Variants in ADGRA2 observed in about 807,000 individuals in gnomAD.
ADGRA2 encodes G-protein coupled receptor 124.
Under a neutral mutation model 98.7 loss-of-function variants are expected in ADGRA2, and 61 were observed. The observed-to-expected ratio is 0.62, with a 90% CI of 0.50 to 0.76. The LOEUF (loss-of-function observed/expected upper bound fraction) is 0.76. ADGRA2 is among the 30% of genes least tolerant of loss of function. The pLI, the probability that ADGRA2 is intolerant of heterozygous loss-of-function variation, is 0.00. For missense variants in ADGRA2, 1,712 were observed against 1,860.0 expected (o/e 0.92, Z 1.46); for synonymous variants, 858 against 831.5 (o/e 1.03, Z -0.55).
chr8:37,811,119 CAAA>C (rs1158782949), intron 1 of ADGRA2, among the ~76,000 whole-genome samples: 854 of 68,634 alleles, frequency 0.012, 7 homozygotes, highest in African/African-American at 0.022. Flanking sequence ...GTCTCAAAAA[CAAA>C]AAAAAAAAAA....
chr8:37,836,038 A>AAC (rs58082798), intron 13 of ADGRA2, among the ~76,000 whole-genome samples: 3,121 of 124,502 alleles, frequency 0.025, 52 homozygotes, highest in Non-Finnish European at 0.031. Context: ...AGCCCCCTCC[A>AAC]ACACACACAC....
rs1805435898 is a variant in ADGRA2 at position 37,830,921 on chromosome 8, C to T, written c.930C>T (p.Thr310=). 3 of 1,568,052 alleles carry T rather than the reference C, an allele frequency of 1.9e-6. No individual in the cohort carries two copies. Among genetic ancestry groups the T allele is most frequent in the Non-Finnish European group, 1.7e-6 (2 of 1,156,206 alleles). Residue 310 remains threonine (T), a splice_region_variant and synonymous_variant, in exon 7 of 19, where the codon ACC becomes ACT. Transcript: ENST00000412232. This position sits in a 1 kb window ranked among gnomAD's most constrained non-coding sequence, Gnocchi z 4.8. ...TCATCCACGACTGCACCTTCATCACCAGGTATGAGCCCCGCTGCCCCTCCT... is the reference window on the plus strand; with the variant it reads ...TCATCCACGACTGCACCTTCATCACTAGGTATGAGCCCCGCTGCCCCTCCT... ...ESLIHDCTFI[T]SELTLSHIGV...
chr8:37,838,848 C>G, intron 14 of ADGRA2, 108 bp from the exon 15 acceptor site: 1 of 1,328,044 alleles, frequency 7.5e-7, no homozygotes, highest in Non-Finnish European at 1.0e-6. Flanking sequence ...ATGAACTAAG[C>G]ACCAAAGTGC....
At chr8:37,817,428 G>A (rs1805011916) in intron 2 of ADGRA2, among the ~76,000 whole-genome samples, 1 of 152,178 alleles carries the variant, frequency 6.6e-6, no homozygotes, top group Admixed American at 6.5e-5. Flanking sequence ...AGTCTCCTTG[G>A]TGCCAGGCAT....
At chr8:37,804,943 G>A (rs1804617347) in intron 1 of ADGRA2, among the ~76,000 whole-genome samples, 1 of 152,218 alleles carries the variant, frequency 6.6e-6, no homozygotes, top group Non-Finnish European at 1.5e-5. Flanking sequence ...GCAACCCATG[G>A]TCTCTAAAAC....
At chr8:37,836,693 T>C (rs1233202367) in intron 13 of ADGRA2, among the ~76,000 whole-genome samples, 1 of 152,200 alleles carries the variant, frequency 6.6e-6, no homozygotes, top group South Asian at 2.1e-4. Context: ...CAGATTCACC[T>C]TCTGCAAACT....
At position 37,844,625 on chromosome 8, in the gene ADGRA2, G is replaced by C. The variant is rs1271070066; in HGVS notation, c.*2270G>C. On this transcript the variant is annotated 3_prime_UTR_variant, in exon 19 of 19. Transcript: ENST00000412232. ...TGTTCTCATCTCCAGTGACAGTGGA[G>C]ACAGGGGGTACAGGGCAGATCCGCT... 1 of 1,614,132 alleles carries C rather than the reference G, an allele frequency of 6.2e-7. No individual in the cohort carries two copies. Among genetic ancestry groups the C allele is most frequent in the Admixed American group, 1.7e-5 (1 of 60,022 alleles).
chr8:37,829,799 T>G, intron 5 of ADGRA2, 52 bp from the exon 6 acceptor site: 17 of 1,559,818 alleles, frequency 1.1e-5, no homozygotes, highest in South Asian at 4.7e-5. Flanking sequence ...AGGCCACCCA[T>G]GAGCCCACAC....
chr8:37,842,153 G>A lies in ADGRA2; in HGVS notation c.3815G>A (p.Arg1272His), dbSNP rs1805822772. 3.3e-6 allele frequency: 5 copies of A among 1,519,246 alleles called. No individual in the cohort carries two copies. Among genetic ancestry groups the A allele is most frequent in the East Asian group, 2.6e-5 (1 of 38,892 alleles). The allele number at this position is 1,519,246 out of a possible 1,614,324, so 94.1% of individuals were successfully genotyped here. ...TCTGAGGCGGGCCGGGCAGGCCAGC[G>A]CCGCAGCGCCAGCCGCGACAGTCTC... ...PLSEAGRAGQ[R>H]RSASRDSLKG... The change falls in exon 19 of 19, where the codon CGC (arginine) becomes CAC (histidine). Residue 1272 changes from arginine (R) to histidine (H), a missense_variant. Coordinates refer to ENST00000412232, the MANE Select transcript of ADGRA2 (RefSeq NM_032777.10).
chr8:37,816,987 C>T (rs1266625922), intron 2 of ADGRA2, among the ~76,000 whole-genome samples: 2 of 148,522 alleles, frequency 1.3e-5, no homozygotes, highest in Non-Finnish European at 3.0e-5. Flanking sequence ...TAGATTAGGG[C>T]TCCTGTCAAG....
In ADGRA2 at chr8:37,842,107, G is replaced by A. The variant is rs1239160834; in HGVS notation, c.3769G>A (p.Asp1257Asn). ...CATGCTCACGCCGTCCGAGGGCAGC[G>A]ACACCAGCGCCGCGCCGCTTTCTGA... is the stretch of plus-strand genomic sequence containing the variant. ...EPMLTPSEGSDTSAAPLSEAG... is the reference protein window; with the variant it reads ...EPMLTPSEGSNTSAAPLSEAG... Residue 1257 changes from aspartate (D) to asparagine (N), a missense_variant, in exon 19 of 19, where the codon GAC becomes AAC. By Grantham distance (23) the Asp-to-Asn change is conservative. Transcript: ENST00000412232. 2 of 1,507,858 alleles carry A rather than the reference G, an allele frequency of 1.3e-6. No homozygotes were observed. The highest frequency in any genetic ancestry group is 8.8e-7 in the Non-Finnish European group (1 of 1,135,642). The allele number at this position is 1,507,858 out of a possible 1,614,324, so 93.4% of individuals were successfully genotyped here.
At chr8:37,815,149 C>T (rs563916945) in intron 2 of ADGRA2, among the ~76,000 whole-genome samples, 182 bp downstream of exon 2, 58 of 152,310 alleles carry the variant, frequency 3.8e-4, no homozygotes, top group African/African-American at 1.3e-3. Flanking sequence ...GCCACAGAGG[C>T]GCTGGTATGG....
chr8:37,799,634 G>C (rs1222327822), intron 1 of ADGRA2, among the ~76,000 whole-genome samples: 1 of 152,060 alleles, frequency 6.6e-6, no homozygotes. Flanking sequence ...GCCAGCTCTT[G>C]GTAAGAATAC....
intron 8 of ADGRA2, 62 bp downstream of exon 8, chr8:37,831,649 A>G (rs996247294): frequency 6.7e-7 from 1 of 1,486,516 alleles, no homozygotes; most frequent in African/African-American, 1.4e-5. Flanking sequence ...TGCACCTGAC[A>G]TCACAGGTGG....
Position 37,831,547 on chromosome 8 carries a change from T to C in ADGRA2, c.1057T>C (p.Cys353Arg), listed in dbSNP as rs1215633107. The C allele has an allele frequency of 6.2e-7, 1 of 1,613,818 alleles. No individual in the cohort carries two copies. The highest frequency in any genetic ancestry group is 1.7e-5 in the Admixed American group (1 of 60,014). The change falls in exon 8 of 19, where the codon TGC (cysteine) becomes CGC (arginine). Residue 353 changes from cysteine to arginine, a missense_variant. By Grantham distance (180) the Cys-to-Arg change is radical (BLOSUM62 -3). Transcript: ENST00000412232. ...GGTGCTGGAGACCTCTGCCTCCTAC[T>C]GCCCCGCCGAGCGTGTTGCCAACAA... ...IVVLETSASY[C>R]PAERVANNRG... is the part of the protein sequence containing the mutation.
At chr8:37,836,587 G>A (rs1009289588) in intron 13 of ADGRA2, among the ~76,000 whole-genome samples, 12 of 152,034 alleles carry the variant, frequency 7.9e-5, no homozygotes, top group African/African-American at 2.9e-4. Context: ...CCTTCTTTCT[G>A]CCAGTGATTC....
At chr8:37,839,133 C>A in intron 15 of ADGRA2, 50 bp downstream of exon 15, 2 of 1,605,366 alleles carry the variant, frequency 1.2e-6, no homozygotes, top group African/African-American at 1.3e-5. Flanking sequence ...ATGGAAGGGG[C>A]CCCTACCCTG....
Position 37,833,651 on chromosome 8 carries a change from C to G in ADGRA2, c.1297-37C>G, listed in dbSNP as rs2130025817. 3.1e-6 allele frequency: 5 copies of G among 1,607,776 alleles called. No individual in the cohort carries two copies. In the East Asian group the frequency reaches 1.1e-4, roughly 36 times the overall value. ...AGGGGCAGTTCGGGGGCAGAAGGAA[C>G]AGGCGAGATGATCCTCTCTCTTCCC... On this transcript the variant is annotated intron_variant, in intron 9 of 18. Coordinates refer to ENST00000412232, the MANE Select transcript of ADGRA2 (RefSeq NM_032777.10).
In ADGRA2 at chr8:37,802,489, C is replaced by T. The variant is rs1160593893; in HGVS notation, c.266+4955C>T. 6.6e-6 allele frequency among the ~76,000 whole-genome samples: 1 copy of T among 152,082 alleles called. No individual in the cohort carries two copies. The highest frequency in any genetic ancestry group is 1.5e-5 in the Non-Finnish European group (1 of 68,016). On this transcript the variant is annotated intron_variant, in intron 1 of 18. Coordinates refer to ENST00000412232, the MANE Select transcript of ADGRA2 (RefSeq NM_032777.10). This position sits in a 1 kb window ranked among gnomAD's most constrained non-coding sequence, Gnocchi z 4.7. Reference sequence around the variant, plus strand: ...AGAAGGAAAGAAGAGAGGGAAGAGGCCAGAGACAGAGAAGGCCAGAGCAAG... The same window carrying T: ...AGAAGGAAAGAAGAGAGGGAAGAGGTCAGAGACAGAGAAGGCCAGAGCAAG...
Sources: allele counts gnomAD v4.1 joint callset (sites outside exome capture counted in the v4.1 genomes callset), GRCh38; gene constraint gnomAD v4.1.1; non-coding constraint Gnocchi (gnomAD v3.1); transcripts MANE v1.5; gene names NCBI Gene and HGNC (gene_info 2026-07-23, HGNC 2026-07-21).